The following OXSR1 variants were observed in gnomAD, a reference collection of about 807,000 sequenced individuals.
OXSR1 encodes the protein oxidative stress responsive kinase 1.
In OXSR1, 24 loss-of-function variants were observed where a neutral mutation model predicts 79.8. That is an observed-to-expected ratio of 0.30 (90% CI 0.22 to 0.42). The LOEUF is 0.42. Ranked by LOEUF, OXSR1 falls within the 10% of genes least tolerant of loss-of-function variation. The probability of loss-of-function intolerance (pLI) is 1.00; values close to 1 mark genes in which losing one functional copy is unlikely to be tolerated. For synonymous variants in OXSR1, 226 were observed against 209.2 expected (o/e 1.08, Z -0.69); for missense variants, 430 against 618.4 (o/e 0.70, Z 3.23).
Position 38,223,863 on chromosome 3 carries a change from A to G in OXSR1, c.652A>G (p.Ile218Val), listed in dbSNP as rs145105894. The G allele has an allele frequency of 6.2e-6, 10 of 1,611,282 alleles. No individual in the cohort carries two copies. The highest frequency in any genetic ancestry group is 5.0e-5 in the Admixed American group (3 of 59,768). ...ADIWSFGITA[I>V]ELATGAAPYH... ...TATTTGGAGTTTTGGAATTACAGCA[A>G]TTGAATTGGCTACAGGGGCGGCTCC... Residue 218 changes from isoleucine (I) to valine (V), a missense_variant, in exon 7 of 18, where the codon ATT becomes GTT. By Grantham distance (29) the Ile-to-Val change is conservative. Coordinates refer to ENST00000311806, the MANE Select transcript of OXSR1 (RefSeq NM_005109.3).
chr3:38,167,571 C>T (rs1252674943), intron 1 of OXSR1, among the ~76,000 whole-genome samples: 2 of 152,160 alleles, frequency 1.3e-5, no homozygotes, highest in Non-Finnish European at 2.9e-5. Flanking sequence ...TTTGTTTTTA[C>T]TTGCCTCTTG....
chr3:38,166,071 T>C (rs1701446604), intron 1 of OXSR1, 125 bp downstream of exon 1: 3 of 753,460 alleles, frequency 4.0e-6, no homozygotes, highest in Admixed American at 4.7e-5. Flanking sequence ...CTTGTGGGGC[T>C]GGGGGCTTGT....
Position 38,165,654 on chromosome 3 carries a change from G to A in OXSR1, c.-223G>A. On this transcript the variant is annotated 5_prime_UTR_variant, in exon 1 of 18. Coordinates refer to ENST00000311806, the MANE Select transcript of OXSR1 (RefSeq NM_005109.3). ...ACGTGGGCTGGGCCGGGCAGTGCCGGACTCGGAGGAGCAGGAGGCGAGGTC... is the reference window on the plus strand; with the variant it reads ...ACGTGGGCTGGGCCGGGCAGTGCCGAACTCGGAGGAGCAGGAGGCGAGGTC... The A allele has an allele frequency of 5.7e-6, 3 of 529,186 alleles. No individual in the cohort carries two copies. The highest frequency in any genetic ancestry group is 3.8e-5 in the Admixed American group (1 of 26,642). The allele number at this position is 529,186 out of a possible 1,614,324, so 32.8% of individuals were successfully genotyped here.
chr3:38,208,126 T>G (rs1211768131), intron 4 of OXSR1, among the ~76,000 whole-genome samples: 1 of 152,012 alleles, frequency 6.6e-6, no homozygotes, highest in East Asian at 1.9e-4. Flanking sequence ...TACAGAGGAC[T>G]AGAATTTTCA....
Position 38,252,347 on chromosome 3 carries a change from A to G in OXSR1, c.1464A>G (p.Lys488=). The part of the protein sequence containing the change: ...DLVIVAANLQ[K]IVEEPQSNRS... ...TTACAGTGGCAGCTAATTTGCAGAA[A>G]ATTGTGGAAGAACCTCAGTCAAATC... Residue 488 remains lysine, a synonymous_variant, in exon 17 of 18, where the codon AAA becomes AAG. Coordinates refer to ENST00000311806, the MANE Select transcript of OXSR1 (RefSeq NM_005109.3). 2 of 1,611,554 alleles carry G rather than the reference A, an allele frequency of 1.2e-6. No homozygotes were observed. The highest frequency in any genetic ancestry group is 1.7e-6 in the Non-Finnish European group (2 of 1,177,750).
At chr3:38,191,235 A>AT (rs143185191) in intron 3 of OXSR1, among the ~76,000 whole-genome samples, 93 of 147,994 alleles carry the variant, frequency 6.3e-4, no homozygotes, top group Admixed American at 9.4e-4. Flanking sequence ...ATTTAATATA[A>AT]TTTTTTTTTT....
chr3:38,180,791 C>A (rs561629343), intron 1 of OXSR1, among the ~76,000 whole-genome samples: 9 of 152,150 alleles, frequency 5.9e-5, no homozygotes, highest in South Asian at 4.2e-4. Context: ...ACCTTGGCCT[C>A]CCAAAGTGCT....
chr3:38,246,345 ATT>A (rs772062440), intron 13 of OXSR1, 124 bp downstream of exon 13: 36 of 937,802 alleles, frequency 3.8e-5, no homozygotes, highest in Non-Finnish European at 5.1e-5. Context: ...CAAGTTAGAA[ATT>A]CTGTCTTCAC....
intron 3 of OXSR1, among the ~76,000 whole-genome samples, chr3:38,192,974 C>G (rs1050243444): frequency 6.6e-6 from 1 of 152,162 alleles, no homozygotes; most frequent in African/African-American, 2.4e-5. Flanking sequence ...ACCATACTTC[C>G]CCAGAGAGAC....
intron 8 of OXSR1, among the ~76,000 whole-genome samples, chr3:38,227,670 G>A (rs1198717509): frequency 2.0e-5 from 3 of 152,046 alleles, no homozygotes; most frequent in African/African-American, 7.2e-5. Context: ...AATAATGGCT[G>A]AGAATTTTCG....
chr3:38,223,926 T>C lies in OXSR1; in HGVS notation c.702+13T>C. ...TCCACCAATGAAGGTGAGGCTTGTA[T>C]TCCAAATACTACCCCAGCTCAAGTC... On this transcript the variant is annotated intron_variant, in intron 7 of 17. Transcript: ENST00000311806. The C allele has an allele frequency of 2.0e-6, 3 of 1,488,546 alleles. No homozygotes were observed. The highest frequency in any genetic ancestry group is 1.4e-5 in the African/African-American group (1 of 71,758). 92.2% of individuals were successfully genotyped at this position (1,488,546 alleles called of 1,614,324 possible). A position where few individuals can be genotyped will look rare whatever the true frequency, so the allele number is the denominator to read the frequency against.
chr3:38,224,697 G>GA lies in OXSR1; in HGVS notation c.835dup (p.Arg279LysfsTer19). The GA allele has an allele frequency of 1.3e-6, 2 of 1,552,488 alleles. No homozygotes were observed. Among genetic ancestry groups the GA allele is most frequent in the Non-Finnish European group, 1.7e-6 (2 of 1,147,236 alleles). ...TTCATTGTGCCTTCAAAAAGATCCA[G>GA]AAAAAAGGTAAAATATGAGAAAAAG... On this transcript the variant is annotated frameshift_variant, in exon 8 of 18. Transcript: ENST00000311806. LOFTEE classifies it high-confidence loss of function.
chr3:38,236,798 A>G (rs1702927076), intron 10 of OXSR1, 41 bp from the exon 11 acceptor site: 4 of 1,542,266 alleles, frequency 2.6e-6, no homozygotes, highest in Middle Eastern at 1.7e-4. Context: ...CTTAGTAAGC[A>G]TGAAATACCA....
chr3:38,246,884 G>A (rs1349432333), intron 13 of OXSR1, among the ~76,000 whole-genome samples: 3 of 151,968 alleles, frequency 2.0e-5, no homozygotes, highest in Admixed American at 2.0e-4. Context: ...GACTTTCAAC[G>A]TCCATTTATT....
chr3:38,227,133 A>G (rs1332992499), intron 8 of OXSR1, among the ~76,000 whole-genome samples: 1 of 152,236 alleles, frequency 6.6e-6, no homozygotes, highest in African/African-American at 2.4e-5. Flanking sequence ...GAACATTGCT[A>G]AGTTAAAATA....
intron 9 of OXSR1, 141 bp from the exon 10 acceptor site, chr3:38,230,223 AG>A (rs34820690): frequency 3.7e-5 from 24 of 652,546 alleles, no homozygotes; most frequent in Admixed American, 2.8e-4. Context: ...AAGGAGCTTC[AG>A]AGTGAAAGAA....
intron 10 of OXSR1, 182 bp from the exon 11 acceptor site, chr3:38,236,654 GGTA>G (rs1702924126): frequency 2.3e-6 from 1 of 433,126 alleles, no homozygotes; most frequent in Non-Finnish European, 4.1e-6. Flanking sequence ...ACTAAAGACA[GGTA>G]GTAGAGATTG....
At chr3:38,180,279 CACATTG>C (rs1701758086) in intron 1 of OXSR1, among the ~76,000 whole-genome samples, 1 of 152,130 alleles carries the variant, frequency 6.6e-6, no homozygotes, top group African/African-American at 2.4e-5. Context: ...AGTTCAAGTT[CACATTG>C]TTCATGGGTC....
At chr3:38,248,091 G>A (rs1013223732) in intron 14 of OXSR1, among the ~76,000 whole-genome samples, 3 of 152,140 alleles carry the variant, frequency 2.0e-5, no homozygotes, top group Non-Finnish European at 4.4e-5. Flanking sequence ...TCTTATAATT[G>A]TGACGAGGTA....
Sources: allele counts gnomAD v4.1 joint callset (sites outside exome capture counted in the v4.1 genomes callset), GRCh38; gene constraint gnomAD v4.1.1; transcripts MANE v1.5; gene names NCBI Gene and HGNC (gene_info 2026-07-23, HGNC 2026-07-21).